SEC23IP: variants seen among roughly 807,000 people sequenced by gnomAD.
SEC23IP encodes SEC23 interacting protein.
Under a neutral mutation model 113.4 loss-of-function variants are expected in SEC23IP, and 70 were observed. That is an observed-to-expected ratio of 0.62 (90% CI 0.51 to 0.75). SEC23IP has a LOEUF of 0.75. Ranked by LOEUF, SEC23IP falls within the 30% of genes least tolerant of loss-of-function variation. SEC23IP has a pLI of 0.00. For synonymous variants in SEC23IP, 398 were observed against 421.0 expected (o/e 0.95, Z 0.67); for missense variants, 1,160 against 1,204.9 (o/e 0.96, Z 0.55).
chr10:119,930,250 T>G, intron 14 of SEC23IP, 79 bp from the exon 15 acceptor site: 1 of 713,580 alleles, frequency 1.4e-6, no homozygotes. Flanking sequence ...GTATCCATTT[T>G]CTTACCCAGC....
chr10:119,933,582 TTAGA>T (rs1171040640), intron 17 of SEC23IP, 100 bp from the exon 18 acceptor site: 3 of 667,662 alleles, frequency 4.5e-6, no homozygotes, highest in South Asian at 1.9e-5. Flanking sequence ...TTTGCCCTTC[TTAGA>T]TAGAGTTGAA....
rs1554914974 is a variant in SEC23IP, at chr10:119,914,716, A to AAT, written c.1313-14_1313-13insAT. ...TCCCATCTTTTATGTAGGTTTAAAA[A>AAT]TTTTTTTTGATAGGGGAGATGCCTC... On this transcript the variant is annotated splice_polypyrimidine_tract_variant and intron_variant, in intron 6 of 18. Transcript: ENST00000369075. 6.2e-7 allele frequency: 1 copy of AAT among 1,607,848 alleles called. No homozygotes were observed. Among genetic ancestry groups the AAT allele is most frequent in the South Asian group, 1.1e-5 (1 of 90,706 alleles).
Position 119,898,813 on chromosome 10 carries a change from C to T in SEC23IP, c.550C>T (p.Arg184Cys), listed in dbSNP as rs145997043. The T allele has an allele frequency of 8.7e-6, 14 of 1,614,012 alleles. No homozygotes were observed. Among genetic ancestry groups the T allele is most frequent in the Admixed American group, 3.3e-5 (2 of 60,008 alleles). Reference sequence around the variant, plus strand: ...TCCCCAACCAGGATACAATCCATATCGCCATACCCCTGGCAGCAGCAGGGC... The same window carrying T: ...TCCCCAACCAGGATACAATCCATATTGCCATACCCCTGGCAGCAGCAGGGC... ...GIPQPGYNPY[R>C]HTPGSSRANP... The change falls in exon 2 of 19, where the codon CGC becomes TGC. Residue 184 changes from arginine (R) to cysteine (C), a missense_variant. Arg to Cys is a radical substitution (Grantham distance 180, BLOSUM62 -3). Coordinates refer to ENST00000369075, the MANE Select transcript of SEC23IP (RefSeq NM_007190.4).
chr10:119,914,703 T>A (rs1310304942), intron 6 of SEC23IP, 27 bp from the exon 7 acceptor site: 2 of 1,577,974 alleles, frequency 1.3e-6, no homozygotes, highest in South Asian at 2.2e-5. Context: ...CCATCTTTTA[T>A]GTAGGTTTAA....
rs1305663119 is a variant in SEC23IP at position 119,915,878 on chromosome 10, A to G, written c.1533A>G (p.Thr511=). 1 of 1,540,290 alleles carries G rather than the reference A, an allele frequency of 6.5e-7. No homozygotes were observed. ...HWHSSLGGDA[T]GVDRNIKKIT... Reference sequence around the variant, plus strand: ...ATAGTTCTTTGGGTGGGGACGCCACAGGTGTGGACAGGTTTGTGGATTTTG... The same window carrying G: ...ATAGTTCTTTGGGTGGGGACGCCACGGGTGTGGACAGGTTTGTGGATTTTG... The change falls in exon 8 of 19, where the codon ACA becomes ACG. Residue 511 remains threonine (T), a synonymous_variant. Coordinates refer to ENST00000369075, the MANE Select transcript of SEC23IP (RefSeq NM_007190.4).
At chr10:119,919,633 G>A (rs899175576) in intron 11 of SEC23IP, 37 bp downstream of exon 11, 64 of 1,507,322 alleles carry the variant, frequency 4.2e-5, no homozygotes, top group Non-Finnish European at 5.1e-5. Context: ...GTTTGAAATT[G>A]TTTTTCTTGT....
At chr10:119,912,394 G>C (rs770124020) in intron 6 of SEC23IP, among the ~76,000 whole-genome samples, 2 of 151,914 alleles carry the variant, frequency 1.3e-5, no homozygotes, top group Non-Finnish European at 2.9e-5. Context: ...CGGCCTCCCA[G>C]AGTGCTGGAA....
intron 15 of SEC23IP, among the ~76,000 whole-genome samples, chr10:119,931,431 C>T (rs1330550837): frequency 6.6e-6 from 1 of 151,028 alleles, no homozygotes; most frequent in Non-Finnish European, 1.5e-5. Flanking sequence ...AACTCCAGGC[C>T]TCAAATGATT....
chr10:119,929,907 C>A, intron 14 of SEC23IP, 145 bp downstream of exon 14: 1 of 579,458 alleles, frequency 1.7e-6, no homozygotes. Context: ...TCACAGCCTC[C>A]CAAATCGCTA....
chr10:119,932,833 G>A (rs1855651787), intron 16 of SEC23IP, among the ~76,000 whole-genome samples, 172 bp from the exon 17 acceptor site: 1 of 152,046 alleles, frequency 6.6e-6, no homozygotes, highest in Non-Finnish European at 1.5e-5. Context: ...CTCTCTCTCG[G>A]GTAACCAGCC....
At position 119,914,852 on chromosome 10, in the gene SEC23IP, G is replaced by A; in HGVS notation, c.1402+33G>A. ...TTGGGTATATTGTATTTCATGGGAT[G>A]ATCTGAGAACTAATAGAAGAGCTTT... is the stretch of plus-strand genomic sequence containing the variant. On this transcript the variant is annotated intron_variant, in intron 7 of 18. Transcript: ENST00000369075. 6 of 1,576,274 alleles carry A rather than the reference G, an allele frequency of 3.8e-6. No homozygotes were observed. The South Asian group carries it at 5.5e-5, about 15-fold the overall frequency.
At chr10:119,903,903 TAGAC>T (rs1212368501) in intron 3 of SEC23IP, among the ~76,000 whole-genome samples, 177 bp from the exon 4 acceptor site, 1 of 152,178 alleles carries the variant, frequency 6.6e-6, no homozygotes, top group African/African-American at 2.4e-5. Flanking sequence ...GTATTTTTAG[TAGAC>T]AGGGAGGTTT....
intron 1 of SEC23IP, among the ~76,000 whole-genome samples, chr10:119,893,152 G>A (rs1854151360): frequency 6.6e-6 from 1 of 152,182 alleles, no homozygotes; most frequent in African/African-American, 2.4e-5. Context: ...GAAACCCCCT[G>A]TTCCGAGTTG....
chr10:119,907,805 G>A (rs907890861), intron 4 of SEC23IP, among the ~76,000 whole-genome samples: 1 of 152,058 alleles, frequency 6.6e-6, no homozygotes, highest in Non-Finnish European at 1.5e-5. Flanking sequence ...AGAAAAATTA[G>A]CCAGATGTAG....
rs375370510 is a variant in SEC23IP at position 119,933,738 on chromosome 10, A to G, written c.2974A>G (p.Asn992Asp). 3.8e-6 allele frequency: 6 copies of G among 1,594,908 alleles called. No homozygotes were observed. Among genetic ancestry groups the G allele is most frequent in the South Asian group, 1.1e-5 (1 of 90,396 alleles). The change falls in exon 18 of 19, where the codon AAC becomes GAC. Residue 992 changes from asparagine (N) to aspartate (D), a missense_variant. By Grantham distance (23) the Asn-to-Asp change is conservative. Transcript: ENST00000369075. The part of the protein sequence containing the change: ...LLLKEIYRTM[N>D]ISPEQPQH ...ACTTAAAGAAATTTATCGAACAATG[A>G]ACATTAGTCCAGAACAGCCCCAGCA...
intron 6 of SEC23IP, 142 bp from the exon 7 acceptor site, chr10:119,914,588 G>A (rs979964941): frequency 1.6e-5 from 11 of 673,520 alleles, no homozygotes; most frequent in Non-Finnish European, 2.6e-5. Context: ...TTTGATAGGG[G>A]TAATGAGGCT....
chr10:119,944,192 G>A lies in SEC23IP; in HGVS notation c.*3627G>A, dbSNP rs1856025040. On this transcript the variant is annotated 3_prime_UTR_variant, in exon 19 of 19. Coordinates refer to ENST00000369075, the MANE Select transcript of SEC23IP (RefSeq NM_007190.4). The stretch of plus-strand genomic sequence containing the variant: ...GTTTCCCCATGCTGTTCTTGTGATA[G>A]TGAGGGAGTTCTCACAAGATCTGAT... The A allele has an allele frequency of 6.6e-6, 1 of 152,162 alleles. No individual in the cohort carries two copies. The highest frequency in any genetic ancestry group is 1.5e-5 in the Non-Finnish European group (1 of 68,044). 9.4% of individuals were successfully genotyped at this position (152,162 alleles called of 1,614,324 possible).
chr10:119,918,450 G>A lies in SEC23IP; in HGVS notation c.1811G>A (p.Cys604Tyr). 1 of 1,613,812 alleles carries A rather than the reference G, an allele frequency of 6.2e-7. No homozygotes were observed. The change falls in exon 10 of 19, where the codon TGC (cysteine) becomes TAC (tyrosine). Residue 604 changes from cysteine to tyrosine, a missense_variant. Coordinates refer to ENST00000369075, the MANE Select transcript of SEC23IP (RefSeq NM_007190.4). ...SNQKDLNLSK[C>Y]PGPLAVANGV... is the part of the protein sequence containing the mutation. Reference sequence around the variant, plus strand: ...CAAAAAGATTTGAATTTATCAAAGTGCCCTGGACCTCTTGCTGTTGCTAAT... The same window carrying A: ...CAAAAAGATTTGAATTTATCAAAGTACCCTGGACCTCTTGCTGTTGCTAAT...
chr10:119,899,919 C>T (rs1268759464), intron 2 of SEC23IP, among the ~76,000 whole-genome samples: 2 of 152,012 alleles, frequency 1.3e-5, no homozygotes, highest in African/African-American at 2.4e-5. Flanking sequence ...ACATTTCATC[C>T]CGTTTGTTTT....
Sources: allele counts gnomAD v4.1 joint callset (sites outside exome capture counted in the v4.1 genomes callset), GRCh38; gene constraint gnomAD v4.1.1; transcripts MANE v1.5; gene names NCBI Gene and HGNC (gene_info 2026-07-23, HGNC 2026-07-21).